Variants in LPP observed in about 807,000 individuals in gnomAD.
LPP encodes LIM domain containing preferred translocation partner in lipoma.
LPP carries 38 observed loss-of-function variants against 60.4 expected under a neutral mutation model. The ratio of observed to expected loss-of-function variants is 0.63; its 90% CI spans 0.49 to 0.83. LPP has a LOEUF of 0.83. LPP is among the 40% of genes least tolerant of loss of function. The probability of loss-of-function intolerance (pLI) is 0.00; values close to 1 mark genes in which losing one functional copy is unlikely to be tolerated. For missense variants in LPP, 902 were observed against 783.6 expected (o/e 1.15, Z -1.80); for synonymous variants, 328 against 290.8 (o/e 1.13, Z -1.30).
At chr3:188,731,217 G>T (rs768534093) in intron 8 of LPP, among the ~76,000 whole-genome samples, 25 of 152,112 alleles carry the variant, frequency 1.6e-4, no homozygotes, top group Non-Finnish European at 2.8e-4. Context: ...GCATGGCGGG[G>T]ACCTAAATAA....
In LPP at chr3:188,161,993, C is replaced by T. The variant is rs115360004; in HGVS notation, c.-190+7741C>T. Among the ~76,000 whole-genome samples the T allele has an allele frequency of 8.7e-3, 1,332 of 152,278 alleles. 5 individuals carry two copies. The highest frequency in any genetic ancestry group is 0.017 in the Middle Eastern group (5 of 294). ...CTTTTGACAGCTCCCTGCCCCTGCTCTCTACCATTCTCCATTAATATTTAC... is the reference window on the plus strand; with the variant it reads ...CTTTTGACAGCTCCCTGCCCCTGCTTTCTACCATTCTCCATTAATATTTAC... On this transcript the variant is annotated intron_variant, in intron 1 of 11. Coordinates refer to ENST00000617246, the MANE Select transcript of LPP (RefSeq NM_001375462.1).
chr3:188,786,377 C>A (rs1429056803), intron 9 of LPP, among the ~76,000 whole-genome samples: 3 of 95,704 alleles, frequency 3.1e-5, no homozygotes, highest in South Asian at 3.8e-4. Context: ...CGTGAGACTC[C>A]GTCTCAAAAA....
chr3:188,368,707 CACACACACACACAGAG>C (rs1373399682), intron 3 of LPP, among the ~76,000 whole-genome samples: 15 of 123,098 alleles, frequency 1.2e-4, no homozygotes, highest in South Asian at 8.9e-4. Flanking sequence ...CACACACACA[CACACACACACACAGAG>C]AGAGAGAGAG....
At chr3:188,617,432 T>C (rs1303032918) in intron 7 of LPP, among the ~76,000 whole-genome samples, 1 of 152,152 alleles carries the variant, frequency 6.6e-6, no homozygotes, top group Non-Finnish European at 1.5e-5. Flanking sequence ...TAATAACTAT[T>C]GTCAGGATGA....
chr3:188,485,796 C>CAAAAGAAAAAAAAAAAAA (rs1806276967), intron 5 of LPP, among the ~76,000 whole-genome samples: 1 of 40,156 alleles, frequency 2.5e-5, no homozygotes, highest in African/African-American at 1.1e-4. Flanking sequence ...GACTCCGTCT[C>CAAAAGAAAAAAAAAAAAA]AAAAAAAAAA....
chr3:188,165,409 A>G (rs1719638941), intron 1 of LPP, among the ~76,000 whole-genome samples: 1 of 152,144 alleles, frequency 6.6e-6, no homozygotes. Flanking sequence ...GGGATAGAGG[A>G]TATTTAAGTG....
At chr3:188,339,426 C>T (rs774535374) in intron 2 of LPP, among the ~76,000 whole-genome samples, 19 of 152,150 alleles carry the variant, frequency 1.2e-4, no homozygotes, top group South Asian at 2.1e-4. Flanking sequence ...TCCATTCTCA[C>T]GCTGCTATAA....
chr3:188,456,370 A>T (rs1265281569), intron 4 of LPP, among the ~76,000 whole-genome samples: 1 of 152,228 alleles, frequency 6.6e-6, no homozygotes, highest in Non-Finnish European at 1.5e-5. Flanking sequence ...AGCAGTTTAC[A>T]CCAACAGGGA....
chr3:188,733,078 G>A (rs1224374660), intron 8 of LPP, among the ~76,000 whole-genome samples: 2 of 152,116 alleles, frequency 1.3e-5, no homozygotes, highest in South Asian at 2.1e-4. Flanking sequence ...GCTCCTGCCC[G>A]CTTCCTGCCA....
At chr3:188,810,161 C>G (rs1750474788) in intron 9 of LPP, among the ~76,000 whole-genome samples, 1 of 152,084 alleles carries the variant, frequency 6.6e-6, no homozygotes, top group Admixed American at 6.6e-5. Flanking sequence ...TAATACTACC[C>G]TACAACTAGT....
chr3:188,297,471 A>G (rs1748317343), intron 2 of LPP, among the ~76,000 whole-genome samples: 1 of 152,354 alleles, frequency 6.6e-6, no homozygotes, highest in East Asian at 1.9e-4. Flanking sequence ...AATAAAGCAG[A>G]AAAGATTCTT....
At chr3:188,196,180 C>G (rs1013368840) in intron 1 of LPP, among the ~76,000 whole-genome samples, 1 of 152,170 alleles carries the variant, frequency 6.6e-6, no homozygotes, top group Non-Finnish European at 1.5e-5. Context: ...CTTGCTCTCT[C>G]TTGTATCCCA....
chr3:188,851,484 G>A (rs552958512), intron 9 of LPP, among the ~76,000 whole-genome samples: 4 of 152,194 alleles, frequency 2.6e-5, no homozygotes, highest in South Asian at 2.1e-4. Context: ...CCTGTATGGA[G>A]GAGGAAAGTC....
chr3:188,166,654 C>T (rs751992755), intron 1 of LPP, among the ~76,000 whole-genome samples: 2 of 152,244 alleles, frequency 1.3e-5, no homozygotes, highest in African/African-American at 2.4e-5. Flanking sequence ...AACATTGAAC[C>T]AGGACTTAAG....
chr3:188,340,969 A>G (rs989089890), intron 2 of LPP, among the ~76,000 whole-genome samples: 1 of 152,188 alleles, frequency 6.6e-6, no homozygotes, highest in African/African-American at 2.4e-5. Flanking sequence ...AAGTTTAACT[A>G]AGGGCAACTT....
intron 7 of LPP, among the ~76,000 whole-genome samples, chr3:188,639,238 C>A (rs905888581): frequency 1.3e-5 from 2 of 151,938 alleles, no homozygotes; most frequent in Non-Finnish European, 2.9e-5. Context: ...TGATCTTTGA[C>A]AAACCTGAGA....
intron 6 of LPP, among the ~76,000 whole-genome samples, chr3:188,580,267 T>C (rs543430765): frequency 6.6e-6 from 1 of 152,172 alleles, no homozygotes; most frequent in South Asian, 2.1e-4. Flanking sequence ...ACTCAAAACA[T>C]TTAGTATTTA....
chr3:188,419,451 A>C (rs1025034276), intron 4 of LPP, among the ~76,000 whole-genome samples: 1 of 152,210 alleles, frequency 6.6e-6, no homozygotes, highest in Non-Finnish European at 1.5e-5. Flanking sequence ...GGTTACAGAG[A>C]AGAAAGACTC....
chr3:188,556,873 A>G (rs1403134509), intron 6 of LPP, among the ~76,000 whole-genome samples: 1 of 152,094 alleles, frequency 6.6e-6, no homozygotes, highest in Non-Finnish European at 1.5e-5. Flanking sequence ...ACTCTTAATT[A>G]CTGGAATTAC....
Sources: gnomAD v4.1 joint callset for allele counts (sites outside exome capture counted in the v4.1 genomes callset) on GRCh38, gnomAD v4.1.1 for gene constraint, MANE v1.5 for transcripts, NCBI Gene and HGNC (gene_info 2026-07-23, HGNC 2026-07-21) for gene names.